Variants in BTBD9 observed in about 807,000 individuals in gnomAD.
BTBD9 encodes the protein BTB domain containing 9.
Under a neutral mutation model 64.3 loss-of-function variants are expected in BTBD9, and 49 were observed. That is an observed-to-expected ratio of 0.76 (90% CI 0.61 to 0.97). The LOEUF is 0.97. Ranked by LOEUF, BTBD9 falls within the 50% of genes least tolerant of loss-of-function variation. The probability of loss-of-function intolerance (pLI) is 0.00; values close to 1 mark genes in which losing one functional copy is unlikely to be tolerated. For missense variants in BTBD9, 598 were observed against 762.1 expected, an observed-to-expected ratio of 0.78 and a Z score of 2.53; for synonymous variants, 260 against 274.7, an observed-to-expected ratio of 0.95 and a Z score of 0.53.
chr6:38,319,239 T>C (rs1210141488), intron 7 of BTBD9, among the ~76,000 whole-genome samples: 1 of 152,122 alleles, frequency 6.6e-6, no homozygotes, highest in African/African-American at 2.4e-5. Flanking sequence ...AAGAGCCCAC[T>C]TGGTGCTCTT....
At chr6:38,487,411 G>C (rs1473392736) in intron 6 of BTBD9, among the ~76,000 whole-genome samples, 1 of 151,892 alleles carries the variant, frequency 6.6e-6, no homozygotes, top group Non-Finnish European at 1.5e-5. Flanking sequence ...GGAAACCCCA[G>C]CTCTACAAAA....
At chr6:38,211,435 G>GAAAA (rs11451936) in intron 9 of BTBD9, among the ~76,000 whole-genome samples, 1 of 134,640 alleles carries the variant, frequency 7.4e-6, no homozygotes. Flanking sequence ...TCTCACAAAA[G>GAAAA]AAAAAAAAAA....
rs1561882118 is a variant in BTBD9 at position 38,214,010 on chromosome 6, A to AATAAT, written c.1563-21414_1563-21413insATTAT. ...GACTCCATCTCAAATAAACAAACAA[A>AATAAT]AATAATAATAATAATAATAATAATT... is the stretch of plus-strand genomic sequence containing the variant. On this transcript the variant is annotated intron_variant, in intron 9 of 10. Coordinates refer to ENST00000481247, the MANE Select transcript of BTBD9 (RefSeq NM_001099272.2). Among the ~76,000 whole-genome samples, 465 of 147,618 alleles carry AATAAT rather than the reference A, an allele frequency of 3.2e-3. 10 individuals carry two copies. The highest frequency in any genetic ancestry group is 0.028 in the Admixed American group (418 of 14,814).
At chr6:38,404,128 G>T (rs938058243) in intron 6 of BTBD9, among the ~76,000 whole-genome samples, 1 of 152,122 alleles carries the variant, frequency 6.6e-6, no homozygotes, top group Non-Finnish European at 1.5e-5. Context: ...TCTTTTTAGG[G>T]TGATAAAAAA....
At chr6:38,360,022 G>T (rs1392272770) in intron 6 of BTBD9, among the ~76,000 whole-genome samples, 2 of 151,868 alleles carry the variant, frequency 1.3e-5, no homozygotes, top group East Asian at 1.9e-4. Context: ...GAAAGAACTG[G>T]TAATGCTAAC....
chr6:38,467,008 T>C (rs1165430062), intron 6 of BTBD9, among the ~76,000 whole-genome samples: 2 of 152,168 alleles, frequency 1.3e-5, no homozygotes, highest in African/African-American at 4.8e-5. Context: ...TAACCAAACA[T>C]ACATGGAGAA....
chr6:38,204,289 T>C (rs187372408), intron 9 of BTBD9, among the ~76,000 whole-genome samples: 2 of 152,264 alleles, frequency 1.3e-5, no homozygotes, highest in African/African-American at 4.8e-5. Flanking sequence ...CACAGCTGCA[T>C]TATTCATAAT....
At chr6:38,341,989 T>TAA (rs1729389949) in intron 7 of BTBD9, among the ~76,000 whole-genome samples, 1 of 152,166 alleles carries the variant, frequency 6.6e-6, no homozygotes. Context: ...CACACAGTCA[T>TAA]AAAAATGGGA....
At chr6:38,182,088 G>A (rs1761581883) in intron 10 of BTBD9, among the ~76,000 whole-genome samples, 1 of 152,226 alleles carries the variant, frequency 6.6e-6, no homozygotes, top group South Asian at 2.1e-4. Context: ...GTATTGCTTA[G>A]GGTGATAGGA....
At position 38,311,106 on chromosome 6, in the gene BTBD9, C is replaced by T. The variant is rs541116850; in HGVS notation, c.1265-22645G>A. Among the ~76,000 whole-genome samples, 7 of 152,150 alleles carry T rather than the reference C, an allele frequency of 4.6e-5. 1 individual carries two copies. The South Asian group carries it at 8.3e-4, about 18-fold the overall frequency. On this transcript the variant is annotated intron_variant, in intron 7 of 10. Transcript: ENST00000481247. The stretch of plus-strand genomic sequence containing the variant: ...GATTACAGGCGTGGGCCACTGCACC[C>T]GGCCTTTCTAGTTATTTTTAAATGT...
chr6:38,461,514 TTTA>T (rs1770085047), intron 6 of BTBD9, among the ~76,000 whole-genome samples: 1 of 152,226 alleles, frequency 6.6e-6, no homozygotes, highest in Non-Finnish European at 1.5e-5. Flanking sequence ...TTCTTTATCA[TTTA>T]GTATTTTATT....
intron 6 of BTBD9, among the ~76,000 whole-genome samples, chr6:38,397,990 A>G (rs767451174): frequency 1.6e-4 from 25 of 152,240 alleles, no homozygotes; most frequent in Non-Finnish European, 3.5e-4. Context: ...GGAATGGAGC[A>G]GGAGAAACTG....
At chr6:38,456,534 T>C (rs1769818021) in intron 6 of BTBD9, among the ~76,000 whole-genome samples, 1 of 152,212 alleles carries the variant, frequency 6.6e-6, no homozygotes, top group South Asian at 2.1e-4. Context: ...AGTCATTCTA[T>C]TAGCTGGGTA....
chr6:38,476,123 T>C (rs1438866573), intron 6 of BTBD9, among the ~76,000 whole-genome samples: 1 of 152,226 alleles, frequency 6.6e-6, no homozygotes, highest in Admixed American at 6.5e-5. Flanking sequence ...CCGTTAAATA[T>C]CAAAGGTTCA....
rs1390393873 is a variant in BTBD9, at chr6:38,239,621, T to C, written c.1562+16788A>G. 2.6e-5 allele frequency among the ~76,000 whole-genome samples: 4 copies of C among 152,118 alleles called. No individual in the cohort carries two copies. The East Asian group carries it at 7.7e-4, about 29-fold the overall frequency. On this transcript the variant is annotated intron_variant, in intron 9 of 10. Transcript: ENST00000481247. Reference sequence around the variant, plus strand: ...AAGAATGTATATAGTCATTTTATTATAAATGGCTACTCTGGAGCCAATATA... The same window carrying C: ...AAGAATGTATATAGTCATTTTATTACAAATGGCTACTCTGGAGCCAATATA...
intron 6 of BTBD9, among the ~76,000 whole-genome samples, chr6:38,425,269 T>C (rs755860689): frequency 2.0e-5 from 3 of 151,502 alleles, no homozygotes; most frequent in Non-Finnish European, 4.4e-5. Context: ...CCACGCCTAG[T>C]TAACTTTTGT....
At chr6:38,323,652 T>G (rs1231825618) in intron 7 of BTBD9, among the ~76,000 whole-genome samples, 1 of 152,168 alleles carries the variant, frequency 6.6e-6, no homozygotes, top group Non-Finnish European at 1.5e-5. Flanking sequence ...AAACACACCA[T>G]TTTGTACTTA....
chr6:38,545,018 T>C (rs1394356428), intron 6 of BTBD9, among the ~76,000 whole-genome samples: 2 of 147,160 alleles, frequency 1.4e-5, no homozygotes, highest in African/African-American at 5.0e-5. Context: ...GGAAGCCAGA[T>C]CATGTAGGGC....
intron 9 of BTBD9, among the ~76,000 whole-genome samples, chr6:38,231,040 T>C (rs1311514724): frequency 6.6e-6 from 1 of 152,240 alleles, no homozygotes; most frequent in Non-Finnish European, 1.5e-5. Flanking sequence ...TCATAAGTGC[T>C]CAATTATTAT....
Sources: gnomAD v4.1 joint callset for allele counts (sites outside exome capture counted in the v4.1 genomes callset) on GRCh38, gnomAD v4.1.1 for gene constraint, MANE v1.5 for transcripts, NCBI Gene and HGNC (gene_info 2026-07-23, HGNC 2026-07-21) for gene names.